ITGBL1: variants seen among roughly 807,000 people sequenced by gnomAD.
The protein encoded by ITGBL1 is integrin beta-like protein 1.
A neutral mutation model predicts 68.5 loss-of-function variants in ITGBL1; 51 were observed. The ratio of observed to expected loss-of-function variants is 0.74; its 90% confidence interval spans 0.59 to 0.94. ITGBL1 has a LOEUF of 0.94. ITGBL1 is among the 40% of genes least tolerant of loss of function. The probability of loss-of-function intolerance (pLI) is 0.00; values close to 1 mark genes in which losing one functional copy is unlikely to be tolerated. For missense variants in ITGBL1, 649 were observed against 647.4 expected, an observed-to-expected ratio of 1.00 and a Z score of -0.03; for synonymous variants, 209 against 227.3, an observed-to-expected ratio of 0.92 and a Z score of 0.72.
chr13:101,520,424 G>A (rs911833557), intron 2 of ITGBL1, among the ~76,000 whole-genome samples: 1 of 152,104 alleles, frequency 6.6e-6, no homozygotes, highest in Non-Finnish European at 1.5e-5. Context: ...TTTTAAATGA[G>A]TGTGATAGTA....
intron 7 of ITGBL1, among the ~76,000 whole-genome samples, chr13:101,638,434 T>A (rs74239840): frequency 1.4e-4 from 21 of 148,790 alleles, no homozygotes; most frequent in Non-Finnish European, 1.5e-4. Flanking sequence ...TCTTAAAAAA[T>A]AAAAAAAAAA....
Position 101,532,072 on chromosome 13 carries a change from C to T in ITGBL1, c.317-35627C>T, listed in dbSNP as rs139181169. Among the ~76,000 whole-genome samples the T allele has an allele frequency of 3.3e-4, 50 of 152,194 alleles. No homozygotes were observed. In the Middle Eastern group the frequency reaches 0.014, roughly 41 times the overall value. ...TTAATTTACTCTCCAATATTCAAGA[C>T]ATACAACATGCACATCTTAAAATAA... On this transcript the variant is annotated intron_variant, in intron 2 of 10. Coordinates refer to ENST00000376180, the MANE Select transcript of ITGBL1 (RefSeq NM_004791.3).
At chr13:101,629,076 G>A (rs1307591304) in intron 7 of ITGBL1, among the ~76,000 whole-genome samples, 1 of 151,978 alleles carries the variant, frequency 6.6e-6, no homozygotes, top group East Asian at 1.9e-4. Context: ...GTTTTGTTTA[G>A]TTGTTTTGTG....
rs565064226 is a variant in ITGBL1 at position 101,475,954 on chromosome 13, T to C, written c.316+21854T>C. Among the ~76,000 whole-genome samples, 27 of 152,198 alleles carry C rather than the reference T, an allele frequency of 1.8e-4. No individual in the cohort carries two copies. The South Asian group carries it at 5.2e-3, about 29-fold the overall frequency. On this transcript the variant is annotated intron_variant, in intron 2 of 10. Coordinates refer to ENST00000376180, the MANE Select transcript of ITGBL1 (RefSeq NM_004791.3). ...AGATGTGTCCTATGGGAAATGCTAGTTTTTCAATCTAAAAGAAAAGGATGT... is the reference window on the plus strand; with the variant it reads ...AGATGTGTCCTATGGGAAATGCTAGCTTTTCAATCTAAAAGAAAAGGATGT...
chr13:101,621,071 C>G (rs550788110), intron 7 of ITGBL1, among the ~76,000 whole-genome samples: 4 of 152,270 alleles, frequency 2.6e-5, no homozygotes, highest in East Asian at 3.9e-4. Context: ...CAAGGTGAAG[C>G]CTTCCTGGGT....
chr13:101,628,569 A>G (rs2031869113), intron 7 of ITGBL1, among the ~76,000 whole-genome samples: 1 of 150,404 alleles, frequency 6.6e-6, no homozygotes, highest in South Asian at 2.1e-4. Flanking sequence ...AGTAGCTGGG[A>G]CTACAGGCGT....
At chr13:101,637,994 T>C (rs1314403867) in intron 7 of ITGBL1, among the ~76,000 whole-genome samples, 1 of 152,204 alleles carries the variant, frequency 6.6e-6, no homozygotes, top group Non-Finnish European at 1.5e-5. Context: ...AAAGGAATAT[T>C]CCTGTTACAC....
chr13:101,605,667 C>CTT (rs2030767196), intron 7 of ITGBL1, among the ~76,000 whole-genome samples: 1 of 151,058 alleles, frequency 6.6e-6, no homozygotes, highest in Non-Finnish European at 1.5e-5. Flanking sequence ...CGTATGTAGA[C>CTT]ATGTATGTGT....
chr13:101,615,633 A>G (rs909066875), intron 7 of ITGBL1, among the ~76,000 whole-genome samples: 5 of 151,906 alleles, frequency 3.3e-5, no homozygotes, highest in Non-Finnish European at 7.4e-5. Flanking sequence ...GTGCTCTTAC[A>G]AAAGAGACCC....
chr13:101,485,774 AGC>A lies in ITGBL1; in HGVS notation c.316+31678_316+31679del, dbSNP rs68135893. ...GCCACTGTACTCCAGCCTGGTCAACAGCGCGAGACTCTGTCTCAGAACAAAAC... is the reference window on the plus strand; with the variant it reads ...GCCACTGTACTCCAGCCTGGTCAACAGCGAGACTCTGTCTCAGAACAAAAC... On this transcript the variant is annotated intron_variant, in intron 2 of 10. Transcript: ENST00000376180. Among the ~76,000 whole-genome samples, 6 of 152,306 alleles carry A rather than the reference AGC, an allele frequency of 3.9e-5. No individual in the cohort carries two copies. The East Asian group carries it at 1.2e-3, about 29-fold the overall frequency.
At chr13:101,594,199 A>G (rs189373151) in intron 6 of ITGBL1, among the ~76,000 whole-genome samples, 116 of 152,308 alleles carry the variant, frequency 7.6e-4, no homozygotes, top group African/African-American at 2.4e-3. Flanking sequence ...AAACTATAGT[A>G]ATTAAAACAG....
At chr13:101,562,319 T>C (rs150045263) in intron 2 of ITGBL1, among the ~76,000 whole-genome samples, 14 of 152,060 alleles carry the variant, frequency 9.2e-5, no homozygotes, top group African/African-American at 3.1e-4. Context: ...GCTTAGAAAG[T>C]TGGTAGATTT....
intron 7 of ITGBL1, among the ~76,000 whole-genome samples, chr13:101,618,476 A>T (rs987014541): frequency 1.1e-4 from 17 of 152,216 alleles, no homozygotes; most frequent in African/African-American, 4.1e-4. Flanking sequence ...AAGACCTTAG[A>T]TGAAAGTGGC....
At position 101,497,812 on chromosome 13, in the gene ITGBL1, T is replaced by C. The variant is rs965547624; in HGVS notation, c.316+43712T>C. Among the ~76,000 whole-genome samples, 13 of 152,320 alleles carry C rather than the reference T, an allele frequency of 8.5e-5. No individual in the cohort carries two copies. In the South Asian group the frequency reaches 2.7e-3, roughly 32 times the overall value. On this transcript the variant is annotated intron_variant, in intron 2 of 10. Transcript: ENST00000376180. ...TTTTAACTCTGATGTGGAGGGGCTC[T>C]TCAAGCAAATATTTTGTCTCTTCTC...
chr13:101,639,143 A>G (rs1247076394), intron 7 of ITGBL1, among the ~76,000 whole-genome samples: 1 of 152,168 alleles, frequency 6.6e-6, no homozygotes, highest in Non-Finnish European at 1.5e-5. Flanking sequence ...TCCTACCTGA[A>G]GTCAAGACCT....
At chr13:101,689,210 C>CAAAAAAAAAAAAAAAAAAAAA (rs1594982184) in intron 7 of ITGBL1, among the ~76,000 whole-genome samples, 1 of 4,790 alleles carries the variant, frequency 2.1e-4, no homozygotes, top group Non-Finnish European at 4.4e-4. Context: ...AAGACTCTGC[C>CAAAAAAAAAAAAAAAAAAAAA]TAAAAAAAAA....
At chr13:101,574,497 G>T (rs1326060875) in intron 3 of ITGBL1, among the ~76,000 whole-genome samples, 6 of 152,048 alleles carry the variant, frequency 3.9e-5, no homozygotes, top group Non-Finnish European at 8.8e-5. Context: ...ATTGGTTTTT[G>T]CTCATATAAA....
intron 7 of ITGBL1, among the ~76,000 whole-genome samples, chr13:101,653,439 G>A (rs9582515): frequency 0.16 from 24,770 of 152,074 alleles, 2,267 homozygotes; most frequent in East Asian, 0.26. Flanking sequence ...CAGAATAAAT[G>A]GGAAAAGGAA....
intron 7 of ITGBL1, among the ~76,000 whole-genome samples, chr13:101,611,133 T>C (rs1594929082): frequency 6.6e-6 from 1 of 152,122 alleles, no homozygotes; most frequent in East Asian, 1.9e-4. Context: ...CTTGTGTGAT[T>C]GACAGGTTTC....
Sources: allele counts gnomAD v4.1 joint callset (sites outside exome capture counted in the v4.1 genomes callset), GRCh38; gene constraint gnomAD v4.1.1; transcripts MANE v1.5; gene names NCBI Gene and HGNC (gene_info 2026-07-23, HGNC 2026-07-21).